OXCT1: variants seen among roughly 807,000 people sequenced by gnomAD.
OXCT1 encodes 3-oxoacid CoA-transferase 1.
OXCT1 carries 27 observed loss-of-function variants against 69.6 expected under a neutral mutation model. The observed-to-expected ratio is 0.39, with a 90% CI of 0.29 to 0.54. OXCT1 has a LOEUF of 0.54. Among genes scored for constraint, OXCT1 ranks in the 20% least tolerant of loss-of-function variants. The probability of loss-of-function intolerance (pLI) is 0.72; values close to 1 mark genes in which losing one functional copy is unlikely to be tolerated. For synonymous variants in OXCT1, 202 were observed against 217.8 expected (o/e 0.93, Z 0.64); for missense variants, 437 against 650.2 (o/e 0.67, Z 3.57).
At chr5:41,744,141 C>T (rs961111133) in intron 15 of OXCT1, among the ~76,000 whole-genome samples, 1 of 152,162 alleles carries the variant, frequency 6.6e-6, no homozygotes, top group Non-Finnish European at 1.5e-5. Flanking sequence ...TTGTTTGTAT[C>T]CTCTTCTATT....
rs558586727 is a variant in OXCT1 at position 41,848,765 on chromosome 5, C to T, written c.564+1265G>A. 3.3e-5 allele frequency among the ~76,000 whole-genome samples: 5 copies of T among 152,100 alleles called. No homozygotes were observed. In the South Asian group the frequency reaches 8.3e-4, roughly 25 times the overall value. ...GCTGAAACTGGATCCCTTCCTTACA[C>T]CTTATACAAAAATCAATTCAAGATG... On this transcript the variant is annotated intron_variant, in intron 5 of 16. Coordinates refer to ENST00000196371, the MANE Select transcript of OXCT1 (RefSeq NM_000436.4).
chr5:41,836,249 AC>A (rs1561116365), intron 7 of OXCT1, among the ~76,000 whole-genome samples: 1 of 152,178 alleles, frequency 6.6e-6, no homozygotes, highest in Non-Finnish European at 1.5e-5. Flanking sequence ...CACTGTCTGG[AC>A]TGAAAAGAGA....
intron 7 of OXCT1, among the ~76,000 whole-genome samples, chr5:41,812,565 G>A (rs13182336): frequency 0.19 from 28,238 of 151,912 alleles, 2,811 homozygotes; most frequent in Middle Eastern, 0.28. Flanking sequence ...AAATCAGAAT[G>A]AGATGAGGAC....
chr5:41,794,619 AC>A, intron 12 of OXCT1, 57 bp downstream of exon 12: 1 of 1,482,338 alleles, frequency 6.7e-7, no homozygotes, highest in Non-Finnish European at 9.4e-7. Flanking sequence ...ACACACTCAG[AC>A]GATGACTCAG....
rs1419451082 is a variant in OXCT1, at chr5:41,850,191, C to G, written c.415-12G>C. The G allele has an allele frequency of 1.2e-6, 2 of 1,612,940 alleles. No homozygotes were observed. The highest frequency in any genetic ancestry group is 1.7e-6 in the Non-Finnish European group (2 of 1,179,762). On this transcript the variant is annotated splice_polypyrimidine_tract_variant and intron_variant, in intron 4 of 16. Transcript: ENST00000196371. Reference sequence around the variant, plus strand: ...TCTGCAAGTGTGCCCTGCAAGTGAGCAACCAACACCCCATAAGTTCACTAA... The same window carrying G: ...TCTGCAAGTGTGCCCTGCAAGTGAGGAACCAACACCCCATAAGTTCACTAA...
chr5:41,835,391 G>A (rs1748302617), intron 7 of OXCT1, among the ~76,000 whole-genome samples: 1 of 152,166 alleles, frequency 6.6e-6, no homozygotes, highest in Admixed American at 6.5e-5. Context: ...ATAGAACACA[G>A]AAGATACAGC....
chr5:41,837,588 A>G (rs1748431328), intron 7 of OXCT1, among the ~76,000 whole-genome samples: 1 of 151,816 alleles, frequency 6.6e-6, no homozygotes, highest in African/African-American at 2.4e-5. Context: ...CTACAATTGA[A>G]ATAATTGTCA....
intron 5 of OXCT1, among the ~76,000 whole-genome samples, chr5:41,849,128 T>C (rs1198179712): frequency 1.3e-5 from 2 of 152,004 alleles, no homozygotes; most frequent in Non-Finnish European, 2.9e-5. Context: ...TGTCTCCAGA[T>C]GGAAGATGCA....
chr5:41,794,754 A>T lies in OXCT1; in HGVS notation c.1100-5T>A. 2.0e-6 allele frequency: 3 copies of T among 1,489,240 alleles called. No homozygotes were observed. Among genetic ancestry groups the T allele is most frequent in the Non-Finnish European group, 2.8e-6 (3 of 1,084,132 alleles). The allele number at this position is 1,489,240 out of a possible 1,614,324, so 92.3% of individuals were successfully genotyped here. A position where few individuals can be genotyped will look rare whatever the true frequency, so the allele number is the denominator to read the frequency against. On this transcript the variant is annotated splice_region_variant and splice_polypyrimidine_tract_variant and intron_variant, in intron 11 of 16. Transcript: ENST00000196371. Reference sequence around the variant, plus strand: ...GAATAGTAACTGTTTCCTTGCCTAAACACACACACACACAAAAGAAAGAAA... The same window carrying T: ...GAATAGTAACTGTTTCCTTGCCTAATCACACACACACACAAAAGAAAGAAA...
chr5:41,824,848 T>A (rs1192036961), intron 7 of OXCT1, among the ~76,000 whole-genome samples: 2 of 152,238 alleles, frequency 1.3e-5, no homozygotes, highest in African/African-American at 4.8e-5. Context: ...TTTTTATAGT[T>A]AACCTGTATT....
chr5:41,766,515 T>C (rs548280651), intron 13 of OXCT1, among the ~76,000 whole-genome samples: 1 of 151,464 alleles, frequency 6.6e-6, no homozygotes, highest in African/African-American at 2.4e-5. Flanking sequence ...CTATTATAAA[T>C]TCAGTAACAT....
intron 7 of OXCT1, among the ~76,000 whole-genome samples, chr5:41,831,687 G>C (rs923784791): frequency 1.3e-5 from 2 of 152,098 alleles, no homozygotes; most frequent in African/African-American, 2.4e-5. Flanking sequence ...TTAGAGGAGG[G>C]AGAAGGCAAA....
intron 3 of OXCT1, among the ~76,000 whole-genome samples, chr5:41,856,316 C>T (rs1392808718): frequency 6.6e-6 from 1 of 152,090 alleles, no homozygotes; most frequent in East Asian, 1.9e-4. Context: ...CAGACCCACT[C>T]CAGAATTCTG....
In OXCT1 at chr5:41,775,515, G is replaced by T. The variant is rs996145793; in HGVS notation, c.1249-13315C>A. On this transcript the variant is annotated intron_variant, in intron 13 of 16. Transcript: ENST00000196371. ...TGCCACTCTCCCAGAGCCCTGATGT[G>T]TTCAGCAACCCAGAAGCACTTAGAA... Among the ~76,000 whole-genome samples, 13 of 152,316 alleles carry T rather than the reference G, an allele frequency of 8.5e-5. No homozygotes were observed. In the East Asian group the frequency reaches 9.6e-4, roughly 11 times the overall value.
chr5:41,739,344 CTATAA>C (rs1184169886), intron 16 of OXCT1, 41 bp downstream of exon 16: 6 of 1,229,256 alleles, frequency 4.9e-6, no homozygotes, highest in East Asian at 2.3e-5. Flanking sequence ...TTAATCAAGC[CTATAA>C]TATAAGACAA....
chr5:41,776,267 C>T (rs1316611089), intron 13 of OXCT1, among the ~76,000 whole-genome samples: 1 of 152,158 alleles, frequency 6.6e-6, no homozygotes, highest in African/African-American at 2.4e-5. Flanking sequence ...GAGAAACTGG[C>T]ACAGATCAGA....
intron 14 of OXCT1, among the ~76,000 whole-genome samples, chr5:41,761,224 T>TAA (rs984612714): frequency 1.5e-4 from 23 of 152,070 alleles, no homozygotes; most frequent in African/African-American, 5.6e-4. Flanking sequence ...GGAAGAAACT[T>TAA]ACACTGATAG....
At chr5:41,746,663 T>G (rs1743508931) in intron 15 of OXCT1, among the ~76,000 whole-genome samples, 1 of 152,100 alleles carries the variant, frequency 6.6e-6, no homozygotes, top group Non-Finnish European at 1.5e-5. Flanking sequence ...GCAAGTTTAT[T>G]CCAATACTGA....
At chr5:41,805,446 A>G (rs1047657201) in intron 9 of OXCT1, 121 bp downstream of exon 9, 12 of 684,040 alleles carry the variant, frequency 1.8e-5, no homozygotes, top group Non-Finnish European at 2.8e-5. Flanking sequence ...AAAATTGATT[A>G]ATTACCTTAA....
Sources: gnomAD v4.1 joint callset for allele counts (sites outside exome capture counted in the v4.1 genomes callset) on GRCh38, gnomAD v4.1.1 for gene constraint, MANE v1.5 for transcripts, NCBI Gene and HGNC (gene_info 2026-07-23, HGNC 2026-07-21) for gene names.